VIL1: variants seen among roughly 807,000 people sequenced by gnomAD.
VIL1 encodes villin-1.
Under a neutral mutation model 104.0 loss-of-function variants are expected in VIL1, and 86 were observed. The ratio of observed to expected loss-of-function variants is 0.83; its 90% confidence interval spans 0.69 to 0.99. The LOEUF (loss-of-function observed/expected upper bound fraction) is 0.99, where lower values mean the gene tolerates loss of function less well. VIL1 is among the 50% of genes least tolerant of loss of function. The probability of loss-of-function intolerance (pLI) is 0.00; values close to 1 mark genes in which losing one functional copy is unlikely to be tolerated. For synonymous variants in VIL1, 394 were observed against 412.6 expected (o/e 0.95, Z 0.55); for missense variants, 944 against 1,054.1 (o/e 0.90, Z 1.45).
At chr2:218,432,007 C>A in intron 11 of VIL1, 39 bp from the exon 12 acceptor site, 6 of 1,613,944 alleles carry the variant, frequency 3.7e-6, no homozygotes, top group Non-Finnish European at 5.1e-6. Context: ...AATGGTGGAG[C>A]CTGTCCTGGA....
chr2:218,422,731 C>T (rs537281126), intron 1 of VIL1, among the ~76,000 whole-genome samples: 5 of 152,340 alleles, frequency 3.3e-5, no homozygotes, highest in Admixed American at 2.0e-4. Flanking sequence ...CCTGACCTGT[C>T]GGCCACATGC....
intron 8 of VIL1, 76 bp from the exon 9 acceptor site, chr2:218,429,773 G>C (rs1027237472): frequency 2.3e-5 from 36 of 1,592,014 alleles, no homozygotes; most frequent in Admixed American, 3.4e-5. Context: ...CTGGGAGGGA[G>C]AGACTTTTTT....
Position 218,423,799 on chromosome 2 carries a change from A to G in VIL1, c.21A>G (p.Gln7=). 6.2e-7 allele frequency: 1 copy of G among 1,614,118 alleles called. No homozygotes were observed. The highest frequency in any genetic ancestry group is 8.5e-7 in the Non-Finnish European group (1 of 1,179,996). The part of the protein sequence containing the change: MTKLSA[Q]VKGSLNITTP... ...TCACCATGACCAAGCTGAGCGCCCA[A>G]GTCAAAGGCTCTCTCAACATCACCA... The change falls in exon 2 of 20, where the codon CAA becomes CAG. Residue 7 remains glutamine (Q), a synonymous_variant. Coordinates refer to ENST00000248444, the MANE Select transcript of VIL1 (RefSeq NM_007127.3).
At chr2:218,440,571 A>C in intron 18 of VIL1, 151 bp from the exon 19 acceptor site, 3 of 898,210 alleles carry the variant, frequency 3.3e-6, no homozygotes, top group Non-Finnish European at 1.7e-6. Flanking sequence ...CACCCAGCCT[A>C]TGTTGTTCTT....
chr2:218,440,550 G>C (rs1288226043), intron 18 of VIL1, among the ~76,000 whole-genome samples, 172 bp from the exon 19 acceptor site: 1 of 152,132 alleles, frequency 6.6e-6, no homozygotes, highest in East Asian at 1.9e-4. Context: ...GATTACAGGC[G>C]TGAGCCACTG....
chr2:218,433,313 T>C (rs1392177284), intron 13 of VIL1, among the ~76,000 whole-genome samples: 1 of 152,024 alleles, frequency 6.6e-6, no homozygotes, highest in Non-Finnish European at 1.5e-5. Context: ...TGGGTGCCTG[T>C]AATCTCAGCT....
At chr2:218,422,869 A>C (rs982848807) in intron 1 of VIL1, among the ~76,000 whole-genome samples, 20 of 152,104 alleles carry the variant, frequency 1.3e-4, no homozygotes, top group African/African-American at 3.6e-4. Context: ...AAAACTAGGG[A>C]GGAGAATAAC....
chr2:218,437,155 A>C lies in VIL1; in HGVS notation c.2003A>C (p.Glu668Ala), dbSNP rs1203908111. 2 of 1,613,996 alleles carry C rather than the reference A, an allele frequency of 1.2e-6. No homozygotes were observed. The highest frequency in any genetic ancestry group is 2.7e-5 in the African/African-American group (2 of 74,920). The change falls in exon 17 of 20, where the codon GAG (glutamate) becomes GCG (alanine). Residue 668 changes from glutamate (E) to alanine (A), a missense_variant. Transcript: ENST00000248444. Reference protein sequence around the residue: ...VFFWIGKHANEEEKKAAATTA... With the variant: ...VFFWIGKHANAEEKKAAATTA... The stretch of plus-strand genomic sequence containing the variant: ...TTCTGGATTGGGAAACATGCCAACG[A>C]GGAGGAGAAGAAGGCCGCAGCAACC...
At chr2:218,426,730 C>T (rs968137189) in intron 4 of VIL1, among the ~76,000 whole-genome samples, 5 of 152,060 alleles carry the variant, frequency 3.3e-5, no homozygotes, top group Non-Finnish European at 7.4e-5. Flanking sequence ...GCCTCCCCAG[C>T]AGCTGGGACT....
chr2:218,437,407 C>T (rs1224420516), intron 17 of VIL1, 95 bp downstream of exon 17: 2 of 1,449,474 alleles, frequency 1.4e-6, no homozygotes, highest in South Asian at 1.3e-5. Context: ...GATATATGAC[C>T]TGCTGATTTA....
chr2:218,445,656 C>T (rs1689352874), intron 19 of VIL1, among the ~76,000 whole-genome samples: 1 of 152,010 alleles, frequency 6.6e-6, no homozygotes, highest in African/African-American at 2.4e-5. Flanking sequence ...AGGGCAACTC[C>T]ACCTTAGCAG....
At chr2:218,438,769 G>A (rs1353715076) in intron 18 of VIL1, 43 bp downstream of exon 18, 1 of 1,569,036 alleles carries the variant, frequency 6.4e-7, no homozygotes, top group Non-Finnish European at 8.7e-7. Context: ...GTGGCCAGCT[G>A]GTGGTCAGAC....
rs370851378 is a variant in VIL1, at chr2:218,435,473, G to C, written c.1826+39G>C. The C allele has an allele frequency of 1.4e-5, 23 of 1,602,158 alleles. No individual in the cohort carries two copies. The African/African-American group carries it at 1.5e-4, about 10-fold the overall frequency. On this transcript the variant is annotated intron_variant, in intron 15 of 19. Coordinates refer to ENST00000248444, the MANE Select transcript of VIL1 (RefSeq NM_007127.3). ...CCCTCCGCCTCCAGGTTACCAAGGT[G>C]GGGGAGCCGCCCAGCATCTCCATCC...
chr2:218,429,953 G>A lies in VIL1; in HGVS notation c.948+6G>A. On this transcript the variant is annotated splice_donor_region_variant and intron_variant, in intron 9 of 19. Coordinates refer to ENST00000248444, the MANE Select transcript of VIL1 (RefSeq NM_007127.3). ...GAGCCATGAGCCATGCGCTGGTAGT[G>A]GTGGGGGCGGGGGAGGGTCCAGGAG... The A allele has an allele frequency of 6.4e-7, 1 of 1,573,488 alleles. No homozygotes were observed. The highest frequency in any genetic ancestry group is 1.7e-5 in the Admixed American group (1 of 59,838).
intron 9 of VIL1, 69 bp from the exon 10 acceptor site, chr2:218,430,656 G>A: frequency 1.3e-6 from 2 of 1,519,234 alleles, no homozygotes; most frequent in Middle Eastern, 3.6e-4. Context: ...TTAGAGCTAG[G>A]TTTTGGCTTG....
Position 218,449,553 on chromosome 2 carries a change from G to T in VIL1, c.*217G>T. 2.2e-6 allele frequency: 1 copy of T among 459,172 alleles called. No individual in the cohort carries two copies. Among genetic ancestry groups the T allele is most frequent in the South Asian group, 2.2e-5 (1 of 44,474 alleles). The allele number at this position is 459,172 out of a possible 1,614,324, so 28.4% of individuals were successfully genotyped here. ...CTATGGTCCTCATTTCAACTTCTAA[G>T]GTCGCTAGATTGTTTCTATCCTGAG... On this transcript the variant is annotated 3_prime_UTR_variant, in exon 20 of 20. Coordinates refer to ENST00000248444, the MANE Select transcript of VIL1 (RefSeq NM_007127.3).
At chr2:218,432,991 T>C in intron 13 of VIL1, 40 bp downstream of exon 13, 1 of 1,611,798 alleles carries the variant, frequency 6.2e-7, no homozygotes, top group Non-Finnish European at 8.5e-7. Flanking sequence ...GTAACCACTG[T>C]GGCAAGACAG....
At chr2:218,429,094 C>T (rs1239445460) in intron 6 of VIL1, among the ~76,000 whole-genome samples, 191 bp from the exon 7 acceptor site, 1 of 152,236 alleles carries the variant, frequency 6.6e-6, no homozygotes, top group Admixed American at 6.5e-5. Context: ...AACCTGCTCT[C>T]CCAGCTGCCT....
chr2:218,449,294 A>AT lies in VIL1; in HGVS notation c.2443dup (p.Trp815LeufsTer73), dbSNP rs1219151135. 4 of 1,614,018 alleles carry AT rather than the reference A, an allele frequency of 2.5e-6. No homozygotes were observed. Among genetic ancestry groups the AT allele is most frequent in the Non-Finnish European group, 3.4e-6 (4 of 1,179,932 alleles). ...CAGCTGCCTTCTCTGCTCTGCCTCG[A>AT]TGGAAGCAACAAAACCTCAAGAAAG... On this transcript the variant is annotated frameshift_variant, in exon 20 of 20. Coordinates refer to ENST00000248444, the MANE Select transcript of VIL1 (RefSeq NM_007127.3). LOFTEE classifies it high-confidence loss of function.
Sources: gnomAD v4.1 joint callset for allele counts (sites outside exome capture counted in the v4.1 genomes callset) on GRCh38, gnomAD v4.1.1 for gene constraint, MANE v1.5 for transcripts, NCBI Gene and HGNC (gene_info 2026-07-23, HGNC 2026-07-21) for gene names.